FGF14: variants seen among roughly 807,000 people sequenced by gnomAD.
The protein encoded by FGF14 is fibroblast growth factor 14, also known as fibroblast growth factor homologous factor 4.
FGF14 carries 5 observed loss-of-function variants against 25.5 expected under a neutral mutation model. The observed-to-expected ratio is 0.20, with a 90% CI of 0.10 to 0.41. The LOEUF is 0.41. FGF14 is among the 10% of genes least tolerant of loss of function. The probability of loss-of-function intolerance (pLI) is 1.00; values close to 1 mark genes in which losing one functional copy is unlikely to be tolerated. For missense variants in FGF14, 222 were observed against 320.1 expected, an observed-to-expected ratio of 0.69 and a Z score of 2.34; for synonymous variants, 138 against 118.3, an observed-to-expected ratio of 1.17 and a Z score of -1.08.
chr13:102,015,438 C>A (rs2040288949), intron 1 of FGF14, among the ~76,000 whole-genome samples: 1 of 152,102 alleles, frequency 6.6e-6, no homozygotes, highest in African/African-American at 2.4e-5. Context: ...AAAACAGTTA[C>A]CTTTAGACTA....
intron 1 of FGF14, among the ~76,000 whole-genome samples, chr13:102,340,440 TAC>T (rs139037869): frequency 0.017 from 2,511 of 148,104 alleles, 38 homozygotes; most frequent in African/African-American, 0.031. Flanking sequence ...TACAAACACA[TAC>T]ACACACACAC....
chr13:102,133,204 G>A (rs2046273183), intron 1 of FGF14, among the ~76,000 whole-genome samples: 1 of 152,174 alleles, frequency 6.6e-6, no homozygotes, highest in African/African-American at 2.4e-5. Context: ...TTCTAGGTCT[G>A]CACTGATTTT....
chr13:101,874,992 A>G (rs1332262539), intron 2 of FGF14, among the ~76,000 whole-genome samples, 194 bp downstream of exon 2: 1 of 152,190 alleles, frequency 6.6e-6, no homozygotes, highest in Admixed American at 6.6e-5. Flanking sequence ...TTTAAACCAT[A>G]GGTTTCTTTG....
intron 1 of FGF14, among the ~76,000 whole-genome samples, chr13:102,302,541 TTCCAGACTCAGAAA>T (rs1408312381): frequency 6.6e-6 from 1 of 152,052 alleles, no homozygotes; most frequent in African/African-American, 2.4e-5. Flanking sequence ...GTGCCCCAAA[TTCCAGACTCAGAAA>T]TCCAACTCTC....
At chr13:102,118,673 T>C (rs1184374240) in intron 1 of FGF14, among the ~76,000 whole-genome samples, 2 of 152,160 alleles carry the variant, frequency 1.3e-5, no homozygotes. Flanking sequence ...TCCTTCTTTT[T>C]ATGATTGAAT....
intron 1 of FGF14, among the ~76,000 whole-genome samples, chr13:102,246,503 G>A (rs2051876805): frequency 6.6e-6 from 1 of 151,924 alleles, no homozygotes; most frequent in African/African-American, 2.4e-5. Context: ...TGACAGAGAA[G>A]GCAAAGCAAA....
At chr13:101,927,181 T>A (rs993032688) in intron 1 of FGF14, among the ~76,000 whole-genome samples, 3 of 152,168 alleles carry the variant, frequency 2.0e-5, no homozygotes, top group Non-Finnish European at 4.4e-5. Flanking sequence ...TACCCAATGG[T>A]TAAAAGAAGG....
Position 101,714,392 on chromosome 13 carries a change from C to T in FGF14, c.*8439G>A, listed in dbSNP as rs2281990. On this transcript the variant is annotated 3_prime_UTR_variant, in exon 5 of 5. Transcript: ENST00000376143. ...AACGATATTCTATTCGAGATGGAAA[C>T]CTTTAGTTATAAGGTGATGGTGAGT... 200,352 of 1,066,618 alleles carry T rather than the reference C, an allele frequency of 0.19. 20,155 individuals carry two copies. Among genetic ancestry groups the T allele is most frequent in the Non-Finnish European group, 0.21 (144,850 of 682,238 alleles). The allele number at this position is 1,066,618 out of a possible 1,614,324, so 66.1% of individuals were successfully genotyped here.
intron 1 of FGF14, among the ~76,000 whole-genome samples, chr13:101,889,839 T>C (rs903617876): frequency 6.6e-6 from 1 of 152,204 alleles, no homozygotes; most frequent in African/African-American, 2.4e-5. Context: ...GCTCTGAGAG[T>C]GCTTTGCAGT....
At position 102,324,776 on chromosome 13, in the gene FGF14, A is replaced by C. The variant is rs73581286; in HGVS notation, c.208+76695T>G. ...GCCCATTTATAGTTTGTTTTTCTCT[A>C]TTAAAGACAGATATTGCATTTTTAT... On this transcript the variant is annotated intron_variant, in intron 1 of 4. Coordinates refer to the FGF14 transcript ENST00000376131. 4.3e-3 allele frequency among the ~76,000 whole-genome samples: 657 copies of C among 152,338 alleles called. 3 individuals carry two copies. Among genetic ancestry groups the C allele is most frequent in the African/African-American group, 0.015 (617 of 41,580 alleles).
intron 2 of FGF14, among the ~76,000 whole-genome samples, chr13:101,870,026 G>A (rs1052084472): frequency 6.6e-6 from 1 of 152,128 alleles, no homozygotes; most frequent in Non-Finnish European, 1.5e-5. Context: ...CCTCAGGCCA[G>A]AGCCATGAAT....
In FGF14 at chr13:102,189,931, C is replaced by A. The variant is rs370025801; in HGVS notation, c.208+211540G>T. 5.7e-4 allele frequency among the ~76,000 whole-genome samples: 87 copies of A among 152,186 alleles called. No individual in the cohort carries two copies. The South Asian group carries it at 0.018, about 32-fold the overall frequency. Reference sequence around the variant, plus strand: ...TAATAGAGTGAGAACTCACTCAACACCAAAAAGATGGTACCAAGCCATTCA... The same window carrying A: ...TAATAGAGTGAGAACTCACTCAACAACAAAAAGATGGTACCAAGCCATTCA... On this transcript the variant is annotated intron_variant, in intron 1 of 4. Coordinates refer to the FGF14 transcript ENST00000376131.
chr13:102,140,397 AG>A (rs770130004), intron 1 of FGF14, among the ~76,000 whole-genome samples: 4 of 152,178 alleles, frequency 2.6e-5, no homozygotes, highest in Non-Finnish European at 5.9e-5. Flanking sequence ...CAGATGCAAA[AG>A]AAATGTGTGC....
intron 1 of FGF14, among the ~76,000 whole-genome samples, chr13:102,383,530 G>A (rs984930977): frequency 6.6e-5 from 10 of 152,152 alleles, no homozygotes; most frequent in Non-Finnish European, 1.0e-4. Context: ...GGACAGCCAT[G>A]TACTCTTCAT....
chr13:101,984,998 G>GA (rs1268840217), intron 1 of FGF14, among the ~76,000 whole-genome samples: 1 of 150,452 alleles, frequency 6.6e-6, no homozygotes, highest in African/African-American at 2.4e-5. Flanking sequence ...CCTAAAATGT[G>GA]AAAAAATAGC....
intron 3 of FGF14, among the ~76,000 whole-genome samples, chr13:101,796,450 T>G (rs2140114059): frequency 6.6e-6 from 1 of 152,128 alleles, no homozygotes; most frequent in South Asian, 2.1e-4. Context: ...ATTTTGTTTT[T>G]GTGGCCTCTT....
intron 1 of FGF14, among the ~76,000 whole-genome samples, chr13:102,108,269 G>C (rs1357406729): frequency 6.6e-6 from 1 of 152,080 alleles, no homozygotes; most frequent in Non-Finnish European, 1.5e-5. Flanking sequence ...ACCCTGTGTT[G>C]CAAGTGTAAT....
rs534023942 is a variant in FGF14, at chr13:101,965,092, A to C, written c.209-89796T>G. The stretch of plus-strand genomic sequence containing the variant: ...CCCCCTTGTCTACTAAAAATACAGA[A>C]AAAAAAATTAGCTGGGCGAGGTGGG... On this transcript the variant is annotated intron_variant, in intron 1 of 4. Transcript: ENST00000376131. Among the ~76,000 whole-genome samples the C allele has an allele frequency of 2.5e-4, 38 of 152,098 alleles. 1 individual carries two copies. In the South Asian group the frequency reaches 3.5e-3, roughly 14 times the overall value.
chr13:102,033,564 G>T (rs919534263), intron 1 of FGF14, among the ~76,000 whole-genome samples: 10 of 151,924 alleles, frequency 6.6e-5, no homozygotes, highest in Non-Finnish European at 1.3e-4. Flanking sequence ...GACTTAAAAG[G>T]CTTATACTCT....
Sources: allele counts gnomAD v4.1 joint callset (sites outside exome capture counted in the v4.1 genomes callset), GRCh38; gene constraint gnomAD v4.1.1; transcripts MANE v1.5; gene names NCBI Gene and HGNC (gene_info 2026-07-23, HGNC 2026-07-21).